Variants in MYL12A observed in about 807,000 individuals in gnomAD.
MYL12A encodes myosin regulatory light chain 12A.
A neutral mutation model predicts 13.3 loss-of-function variants in MYL12A; 11 were observed. The observed-to-expected ratio is 0.83, with a 90% confidence interval of 0.52 to 1.37. The LOEUF (loss-of-function observed/expected upper bound fraction) is 1.37. Among genes scored for constraint, MYL12A ranks in the 40% most tolerant of loss-of-function variants. The probability of loss-of-function intolerance (pLI) is 0.00; values close to 1 mark genes in which losing one functional copy is unlikely to be tolerated. For synonymous variants in MYL12A, 51 were observed against 69.9 expected (o/e 0.73, Z 1.35); for missense variants, 146 against 212.3 (o/e 0.69, Z 1.94).
In MYL12A at chr18:3,255,897, A is replaced by T. The variant is rs1402971602; in HGVS notation, c.495A>T (p.Gly165=). 1 of 1,613,712 alleles carries T rather than the reference A, an allele frequency of 6.2e-7. No individual in the cohort carries two copies. Among genetic ancestry groups the T allele is most frequent in the Non-Finnish European group, 8.5e-7 (1 of 1,179,902 alleles). The change falls in exon 4 of 4, where the codon GGA becomes GGT. Residue 165 remains glycine (G), a synonymous_variant. Transcript: ENST00000217652. ...YIEFTRILKH[G]AKDKDD is the part of the protein sequence containing the mutation. ...AGTTCACACGCATCCTGAAACATGG[A>T]GCCAAAGACAAAGATGACTGAAATA...
chr18:3,249,518 C>G (rs184965351), intron 1 of MYL12A: 1 of 152,372 alleles, frequency 6.6e-6, no homozygotes, highest in Admixed American at 6.5e-5. Flanking sequence ...CTGAAATCCT[C>G]ATATTTTGTA....
chr18:3,250,573 A>G (rs1009762479), intron 1 of MYL12A, among the ~76,000 whole-genome samples: 2 of 152,238 alleles, frequency 1.3e-5, no homozygotes, highest in African/African-American at 4.8e-5. Flanking sequence ...AAAATAACTC[A>G]TAGATCAGAA....
At chr18:3,251,936 T>C (rs908417098) in intron 1 of MYL12A, among the ~76,000 whole-genome samples, 1 of 152,216 alleles carries the variant, frequency 6.6e-6, no homozygotes, top group Non-Finnish European at 1.5e-5. Context: ...AGATTTAGCT[T>C]TAAAAAATTT....
intron 1 of MYL12A, among the ~76,000 whole-genome samples, chr18:3,250,773 T>C (rs1166561454): frequency 6.6e-6 from 1 of 152,196 alleles, no homozygotes; most frequent in African/African-American, 2.4e-5. Context: ...TCCTCCCCAA[T>C]CCCTTAATTA....
At chr18:3,249,872 G>A (rs2081467247) in intron 1 of MYL12A, 2 of 151,956 alleles carry the variant, frequency 1.3e-5, no homozygotes. Flanking sequence ...ACTCCACCCT[G>A]GGCGACAGAG....
intron 1 of MYL12A, chr18:3,252,077 T>A (rs556281563): frequency 2.5e-5 from 10 of 406,654 alleles, no homozygotes; most frequent in African/African-American, 2.0e-4. Context: ...TTTGGAGTGC[T>A]GAGATCTAGG....
At position 3,253,932 on chromosome 18, in the gene MYL12A, G is replaced by A. The variant is rs1347616197; in HGVS notation, c.225G>A (p.Glu75=). The A allele has an allele frequency of 1.2e-6, 2 of 1,612,656 alleles. No homozygotes were observed. Among genetic ancestry groups the A allele is most frequent in the East Asian group, 4.5e-5 (2 of 44,848 alleles). The change falls in exon 3 of 4, where the codon GAG becomes GAA. Residue 75 remains glutamate, a synonymous_variant. Transcript: ENST00000217652. The part of the protein sequence containing the change: ...TDEYLDAMMN[E]APGPINFTMF... ...AGTATCTAGATGCCATGATGAATGA[G>A]GCTCCAGGCCCCATCAATTTCACCA...
At chr18:3,250,314 A>G (rs539243889) in intron 1 of MYL12A, among the ~76,000 whole-genome samples, 26 of 152,350 alleles carry the variant, frequency 1.7e-4, no homozygotes, top group African/African-American at 6.3e-4. Flanking sequence ...TTATTACATG[A>G]AGAGTGACAG....
rs757468327 is a variant in MYL12A at position 3,253,409 on chromosome 18, T to C, written c.162T>C (p.His54=). The change falls in exon 2 of 4, where the codon CAT becomes CAC. Residue 54 remains histidine, a synonymous_variant. Transcript: ENST00000217652. ...RDGFIDKEDL[H]DMLASLGKNP... ...GTTTCATCGACAAGGAAGATTTGCA[T>C]GATATGCTTGCTTCATTGGGTAATG... The C allele has an allele frequency of 5.3e-5, 85 of 1,613,584 alleles. 1 individual carries two copies. The Middle Eastern group carries it at 1.2e-3, about 22-fold the overall frequency.
At chr18:3,247,504 T>C (rs1317621503), upstream of MYL12A, 1 of 152,300 alleles carries the variant, frequency 6.6e-6, no homozygotes, top group African/African-American at 2.4e-5. Context: ...TGCCCTGGAA[T>C]GTGCGGCCAG....
chr18:3,249,606 A>T (rs562790235), intron 1 of MYL12A: 1 of 152,118 alleles, frequency 6.6e-6, no homozygotes, highest in African/African-American at 2.4e-5. Context: ...CTTTCACTTA[A>T]TCCCTCAAAA....
rs2144336475 is a variant in MYL12A, at chr18:3,256,138, C to T, written c.*220C>T. 3.4e-6 allele frequency: 2 copies of T among 589,122 alleles called. No homozygotes were observed. The highest frequency in any genetic ancestry group is 4.3e-5 in the South Asian group (2 of 46,412). The allele number at this position is 589,122 out of a possible 1,614,324, so 36.5% of individuals were successfully genotyped here. Reference sequence around the variant, plus strand: ...GATAATTTAACCTACCAGCCCTTCTCCCCCAATAACTGTGGTCTATACAGA... The same window carrying T: ...GATAATTTAACCTACCAGCCCTTCTTCCCCAATAACTGTGGTCTATACAGA... On this transcript the variant is annotated 3_prime_UTR_variant, in exon 4 of 4. Coordinates refer to ENST00000217652, the MANE Select transcript of MYL12A (RefSeq NM_006471.4).
chr18:3,248,437 C>G (rs2081452025), intron 1 of MYL12A: 1 of 152,184 alleles, frequency 6.6e-6, no homozygotes, highest in African/African-American at 2.4e-5. Context: ...CGAAGAAAAA[C>G]TCCAAAATGT....
chr18:3,255,538 T>TA (rs2081527828), intron 3 of MYL12A: 1 of 489,904 alleles, frequency 2.0e-6, no homozygotes, highest in East Asian at 3.5e-5. Context: ...GAGCAAATGA[T>TA]AGAGCGGAGC....
intron 1 of MYL12A, among the ~76,000 whole-genome samples, chr18:3,250,930 C>T (rs1477715189): frequency 6.6e-6 from 1 of 152,162 alleles, no homozygotes; most frequent in Non-Finnish European, 1.5e-5. Flanking sequence ...AACCAATCAT[C>T]TCATTTCTTT....
intron 1 of MYL12A, among the ~76,000 whole-genome samples, chr18:3,250,763 T>C (rs373726936): frequency 2.0e-5 from 3 of 152,334 alleles, no homozygotes; most frequent in African/African-American, 7.2e-5. Flanking sequence ...AAGGTCTTCC[T>C]CCTCCCCAAT....
At chr18:3,252,204 C>A in intron 1 of MYL12A, 2 of 752,648 alleles carry the variant, frequency 2.7e-6, no homozygotes, top group South Asian at 4.1e-5. Context: ...TTATCCTGGT[C>A]AGAGTGAAAT....
In MYL12A at chr18:3,256,019, T is replaced by G. The variant is rs759972809; in HGVS notation, c.*101T>G. ...GCTTTACAGCTTTTGCATTTCCTGTTGTATTTATTCTCAGCCATTTTGGGC... is the reference window on the plus strand; with the variant it reads ...GCTTTACAGCTTTTGCATTTCCTGTGGTATTTATTCTCAGCCATTTTGGGC... On this transcript the variant is annotated 3_prime_UTR_variant, in exon 4 of 4. Transcript: ENST00000217652. 12 of 1,457,010 alleles carry G rather than the reference T, an allele frequency of 8.2e-6. No individual in the cohort carries two copies. Among genetic ancestry groups the G allele is most frequent in the Non-Finnish European group, 9.3e-6 (10 of 1,076,820 alleles). 90.3% of individuals were successfully genotyped at this position (1,457,010 alleles called of 1,614,324 possible).
rs909967852 is a variant in MYL12A at position 3,255,868 on chromosome 18, A to G, written c.466A>G (p.Ile156Val). 1.2e-6 allele frequency: 2 copies of G among 1,614,170 alleles called. No homozygotes were observed. The highest frequency in any genetic ancestry group is 2.7e-5 in the African/African-American group (2 of 75,072). The part of the protein sequence containing the change: ...PIDKKGNFNY[I>V]EFTRILKHGA... ...TGATAAAAAGGGGAATTTCAATTAC[A>G]TCGAGTTCACACGCATCCTGAAACA... is the stretch of plus-strand genomic sequence containing the variant. Residue 156 changes from isoleucine to valine, a missense_variant, in exon 4 of 4, where the codon ATC (isoleucine) becomes GTC (valine). Ile to Val is a conservative substitution (Grantham distance 29). Coordinates refer to ENST00000217652, the MANE Select transcript of MYL12A (RefSeq NM_006471.4).
Sources: allele counts gnomAD v4.1 joint callset (sites outside exome capture counted in the v4.1 genomes callset), GRCh38; gene constraint gnomAD v4.1.1; transcripts MANE v1.5; gene names NCBI Gene and HGNC (gene_info 2026-07-23, HGNC 2026-07-21).